The following DOCK3 variants were observed in gnomAD, a reference collection of about 807,000 sequenced individuals.
DOCK3 encodes dedicator of cytokinesis protein 3.
DOCK3 carries 60 observed loss-of-function variants against 265.6 expected under a neutral mutation model. The observed-to-expected ratio is 0.23, with a 90% confidence interval of 0.18 to 0.28. The LOEUF is 0.28. Ranked by LOEUF, DOCK3 falls within the 10% of genes least tolerant of loss-of-function variation. The pLI, the probability that DOCK3 is intolerant of heterozygous loss-of-function variation, is 1.00. For synonymous variants in DOCK3, 881 were observed against 938.0 expected, an observed-to-expected ratio of 0.94 and a Z score of 1.11; for missense variants, 1,981 against 2,594.3, an observed-to-expected ratio of 0.76 and a Z score of 5.14.
chr3:51,014,270 C>G (rs1275224164), intron 5 of DOCK3, among the ~76,000 whole-genome samples: 2 of 151,704 alleles, frequency 1.3e-5, no homozygotes, highest in Non-Finnish European at 2.9e-5. Context: ...AGCTGCAGAC[C>G]AGAGCTGTTC....
chr3:51,170,666 C>T (rs539124636), intron 12 of DOCK3, among the ~76,000 whole-genome samples: 59 of 151,988 alleles, frequency 3.9e-4, no homozygotes, highest in Non-Finnish European at 8.1e-4. Context: ...ATTTGTCAGC[C>T]GGGCGCGGTG....
At chr3:51,078,673 A>G (rs1560030353) in intron 7 of DOCK3, among the ~76,000 whole-genome samples, 4 of 152,342 alleles carry the variant, frequency 2.6e-5, no homozygotes, top group East Asian at 3.9e-4. Context: ...CCAGAATTCT[A>G]TATTTACTCA....
intron 27 of DOCK3, 73 bp downstream of exon 27, chr3:51,280,277 C>G (rs2081043010): frequency 7.2e-7 from 1 of 1,397,050 alleles, no homozygotes; most frequent in Admixed American, 2.0e-5. Flanking sequence ...TTTTCCCTGT[C>G]AGGGGGATGA....
At chr3:50,868,196 C>G (rs957147759) in intron 3 of DOCK3, among the ~76,000 whole-genome samples, 3 of 152,008 alleles carry the variant, frequency 2.0e-5, no homozygotes, top group Non-Finnish European at 4.4e-5. Context: ...GTCTCAGCCT[C>G]CTGAGTAGCT....
intron 9 of DOCK3, among the ~76,000 whole-genome samples, chr3:51,110,131 C>T (rs2083453871): frequency 6.6e-6 from 1 of 152,044 alleles, no homozygotes; most frequent in Non-Finnish European, 1.5e-5. Context: ...AATCCCTGAA[C>T]AGACAAATGA....
At chr3:50,733,814 C>G (rs1406423693) in intron 1 of DOCK3, among the ~76,000 whole-genome samples, 1 of 147,706 alleles carries the variant, frequency 6.8e-6, no homozygotes, top group Non-Finnish European at 1.5e-5. Context: ...TTTCTGTCTT[C>G]CTTTGTGATT....
At chr3:51,039,792 T>C (rs2080407784) in intron 5 of DOCK3, among the ~76,000 whole-genome samples, 1 of 152,066 alleles carries the variant, frequency 6.6e-6, no homozygotes. Context: ...ATCATCTGTC[T>C]GTTACCTTTG....
intron 5 of DOCK3, among the ~76,000 whole-genome samples, chr3:51,017,520 T>A (rs1431807709): frequency 1.3e-5 from 2 of 151,876 alleles, no homozygotes; most frequent in African/African-American, 4.9e-5. Flanking sequence ...CTCTTAGTAC[T>A]GCTTTTGCTA....
chr3:50,716,303 G>A (rs911229335), intron 1 of DOCK3, among the ~76,000 whole-genome samples: 5 of 152,144 alleles, frequency 3.3e-5, no homozygotes, highest in East Asian at 1.9e-4. Flanking sequence ...TGAGGTGGGC[G>A]GATCACGAAG....
intron 9 of DOCK3, among the ~76,000 whole-genome samples, chr3:51,117,397 T>C (rs749986085): frequency 2.6e-5 from 4 of 152,184 alleles, no homozygotes; most frequent in Non-Finnish European, 5.9e-5. Context: ...TGCATCGATG[T>C]TCATCAGGGA....
At chr3:50,839,723 C>T (rs1242264491) in intron 2 of DOCK3, among the ~76,000 whole-genome samples, 8 of 22,272 alleles carry the variant, frequency 3.6e-4, no homozygotes, top group East Asian at 1.6e-3. Flanking sequence ...CCTCCTCTCC[C>T]CTCCCCTCCC....
intron 1 of DOCK3, among the ~76,000 whole-genome samples, chr3:50,709,317 A>G (rs1164740616): frequency 6.6e-6 from 1 of 152,072 alleles, no homozygotes; most frequent in Non-Finnish European, 1.5e-5. Flanking sequence ...AAATTTCTGT[A>G]TAGAAGCTTA....
At chr3:50,815,367 A>G (rs1576521397) in intron 2 of DOCK3, among the ~76,000 whole-genome samples, 2 of 152,054 alleles carry the variant, frequency 1.3e-5, no homozygotes, top group African/African-American at 4.8e-5. Context: ...TCATTTACCT[A>G]GTTTTTCATG....
At position 50,968,519 on chromosome 3, in the gene DOCK3, G is replaced by A. The variant is rs528940193; in HGVS notation, c.315+34442G>A. Among the ~76,000 whole-genome samples, 6 of 151,060 alleles carry A rather than the reference G, an allele frequency of 4.0e-5. 1 individual carries two copies. The South Asian group carries it at 1.3e-3, about 32-fold the overall frequency. On this transcript the variant is annotated intron_variant, in intron 5 of 52. Transcript: ENST00000266037. ...TTGGAATTATTTCTACCTTTATCCT[G>A]CTTTTGTCCGAGAAGATACTTTCTA... is the stretch of plus-strand genomic sequence containing the variant.
chr3:50,990,863 G>A (rs1003779371), intron 5 of DOCK3, among the ~76,000 whole-genome samples: 25 of 152,110 alleles, frequency 1.6e-4, no homozygotes, highest in Admixed American at 3.9e-4. Context: ...CACCCCAATT[G>A]AGGATGGGTC....
intron 23 of DOCK3, among the ~76,000 whole-genome samples, chr3:51,269,216 A>G (rs891371293): frequency 6.7e-6 from 1 of 148,736 alleles, no homozygotes; most frequent in Admixed American, 6.7e-5. Context: ...TACATAATAT[A>G]TATATGTATA....
intron 5 of DOCK3, among the ~76,000 whole-genome samples, chr3:50,956,527 T>C (rs2076735127): frequency 6.6e-6 from 1 of 152,224 alleles, no homozygotes; most frequent in South Asian, 2.1e-4. Flanking sequence ...CTACATACTT[T>C]TGTCAATTTC....
chr3:50,758,531 C>T (rs1389831692), intron 1 of DOCK3, among the ~76,000 whole-genome samples: 2 of 152,036 alleles, frequency 1.3e-5, no homozygotes, highest in South Asian at 2.1e-4. Flanking sequence ...CCACCCTGAA[C>T]GCGCCGATCT....
At chr3:51,128,576 A>G (rs2084371811) in intron 9 of DOCK3, among the ~76,000 whole-genome samples, 1 of 152,232 alleles carries the variant, frequency 6.6e-6, no homozygotes, top group Non-Finnish European at 1.5e-5. Context: ...TAGTCTTGGC[A>G]GAATCATTGC....
Sources: allele counts gnomAD v4.1 joint callset (sites outside exome capture counted in the v4.1 genomes callset), GRCh38; gene constraint gnomAD v4.1.1; transcripts MANE v1.5; gene names NCBI Gene and HGNC (gene_info 2026-07-23, HGNC 2026-07-21).